YWHAQ: variants seen among roughly 807,000 people sequenced by gnomAD.
YWHAQ encodes 14-3-3 protein theta.
In YWHAQ, 6 loss-of-function variants were observed where a neutral mutation model predicts 28.3. The observed-to-expected ratio is 0.21, with a 90% confidence interval of 0.12 to 0.42. The LOEUF is 0.42. YWHAQ is among the 10% of genes least tolerant of loss of function. The probability of loss-of-function intolerance (pLI) is 1.00; values close to 1 mark genes in which losing one functional copy is unlikely to be tolerated. For synonymous variants in YWHAQ, 143 were observed against 119.1 expected, an observed-to-expected ratio of 1.20 and a Z score of -1.31; for missense variants, 201 against 305.6, an observed-to-expected ratio of 0.66 and a Z score of 2.55.
intron 2 of YWHAQ, among the ~76,000 whole-genome samples, chr2:9,625,233 G>A (rs967036937): frequency 6.7e-6 from 1 of 149,072 alleles, no homozygotes; most frequent in Non-Finnish European, 1.5e-5. Flanking sequence ...CTGTACCCCA[G>A]CCTGGGTGGC....
At chr2:9,627,550 A>G (rs551887437) in intron 2 of YWHAQ, among the ~76,000 whole-genome samples, 17 of 152,296 alleles carry the variant, frequency 1.1e-4, no homozygotes, top group Admixed American at 3.3e-4. Context: ...ATGCTGCTAC[A>G]TGTACAGTGG....
chr2:9,594,469 C>T (rs893545175), intron 2 of YWHAQ, among the ~76,000 whole-genome samples: 3 of 152,082 alleles, frequency 2.0e-5, no homozygotes, highest in South Asian at 2.1e-4. Context: ...CAAACTGACT[C>T]AGTCATTGGT....
rs763024118 is a variant in YWHAQ, at chr2:9,630,491, G to A, written c.-39C>T. The A allele has an allele frequency of 6.1e-6, 9 of 1,470,962 alleles. No homozygotes were observed. Among genetic ancestry groups the A allele is most frequent in the Non-Finnish European group, 8.2e-6 (9 of 1,093,774 alleles). 91.1% of individuals were successfully genotyped at this position (1,470,962 alleles called of 1,614,324 possible). On this transcript the variant is annotated 5_prime_UTR_variant, in exon 2 of 6. Transcript: ENST00000238081. The surrounding 1 kb of genome is among the most constrained non-coding windows in gnomAD (Gnocchi z 5.6). Reference sequence around the variant, plus strand: ...CCGGGGCCGGGGCGGAGGGCGAGGAGAGCGAGGGCGAGCGCCGACCCGCAG... The same window carrying A: ...CCGGGGCCGGGGCGGAGGGCGAGGAAAGCGAGGGCGAGCGCCGACCCGCAG...
chr2:9,591,534 A>G lies in YWHAQ; in HGVS notation c.295-19T>C, dbSNP rs1666455827. 6.3e-7 allele frequency: 1 copy of G among 1,593,980 alleles called. No homozygotes were observed. Among genetic ancestry groups the G allele is most frequent in the African/African-American group, 1.3e-5 (1 of 74,570 alleles). ...ACAATTCCTGAAATAAATAAGACAG[A>G]ACATTAGGCACTAAACTTCTGCCTA... On this transcript the variant is annotated intron_variant, in intron 2 of 5. Coordinates refer to ENST00000238081, the MANE Select transcript of YWHAQ (RefSeq NM_006826.4).
intron 2 of YWHAQ, among the ~76,000 whole-genome samples, chr2:9,618,966 T>C (rs1478300987): frequency 6.6e-6 from 1 of 152,170 alleles, no homozygotes; most frequent in Non-Finnish European, 1.5e-5. Context: ...TAAACTCTAA[T>C]TACAAATTCT....
chr2:9,615,998 T>C (rs1320721684), intron 2 of YWHAQ, among the ~76,000 whole-genome samples: 4 of 152,142 alleles, frequency 2.6e-5, no homozygotes, highest in East Asian at 1.9e-4. Flanking sequence ...TTTGTAACTA[T>C]AGAACGTAAT....
At chr2:9,605,726 A>G (rs1666812982) in intron 2 of YWHAQ, among the ~76,000 whole-genome samples, 1 of 144,908 alleles carries the variant, frequency 6.9e-6, no homozygotes, top group African/African-American at 2.5e-5. Context: ...ATGACCGGCT[A>G]ATTTTTTTTT....
chr2:9,609,152 C>G (rs1312411442), intron 2 of YWHAQ, among the ~76,000 whole-genome samples: 1 of 152,128 alleles, frequency 6.6e-6, no homozygotes. Context: ...TTTTCTTCAC[C>G]TCTACCTAAG....
At position 9,630,460 on chromosome 2, in the gene YWHAQ, G is replaced by GCGGGGC. The variant is rs200302461; in HGVS notation, c.-14_-9dup. 396,343 of 1,575,332 alleles carry GCGGGGC rather than the reference G, an allele frequency of 0.25. 55,291 individuals are homozygous for GCGGGGC. Among genetic ancestry groups the GCGGGGC allele is most frequent in the Middle Eastern group, 0.29 (1,715 of 5,944 alleles). ...CAGCTCAGTCTTCTCCATGGCGGGC[G>GCGGGGC]CGGGGCCGGGGCCGGGGCGGAGGGC... On this transcript the variant is annotated 5_prime_UTR_variant, in exon 2 of 6. Transcript: ENST00000238081. The surrounding 1 kb of genome is among the most constrained non-coding windows in gnomAD (Gnocchi z 5.6).
chr2:9,616,572 A>T (rs138405109), intron 2 of YWHAQ, among the ~76,000 whole-genome samples: 2 of 147,350 alleles, frequency 1.4e-5, no homozygotes, highest in Non-Finnish European at 3.1e-5. Context: ...TATCCATAAT[A>T]TATTTAAAAA....
chr2:9,600,776 C>T (rs1370295183), intron 2 of YWHAQ, among the ~76,000 whole-genome samples: 1 of 152,138 alleles, frequency 6.6e-6, no homozygotes, highest in Non-Finnish European at 1.5e-5. Flanking sequence ...GCAAACTTCA[C>T]TGTTGTCTTA....
chr2:9,586,435 A>G (rs74792320), intron 5 of YWHAQ, among the ~76,000 whole-genome samples: 2,206 of 152,314 alleles, frequency 0.014, 53 homozygotes, highest in African/African-American at 0.051. Context: ...CAAACAAAAC[A>G]AAATCCCCCA....
intron 2 of YWHAQ, among the ~76,000 whole-genome samples, chr2:9,600,120 T>A (rs1666659216): frequency 6.6e-6 from 1 of 152,180 alleles, no homozygotes; most frequent in African/African-American, 2.4e-5. Context: ...GGAAGAGAAA[T>A]ACTAGAATTA....
intron 2 of YWHAQ, among the ~76,000 whole-genome samples, chr2:9,600,013 AAC>A (rs1412037116): frequency 6.6e-6 from 1 of 152,182 alleles, no homozygotes; most frequent in African/African-American, 2.4e-5. Context: ...TAACATTAAC[AAC>A]AGTTTGGAAG....
intron 2 of YWHAQ, among the ~76,000 whole-genome samples, chr2:9,602,453 T>C (rs1666712647): frequency 6.6e-6 from 1 of 151,882 alleles, no homozygotes; most frequent in African/African-American, 2.4e-5. Flanking sequence ...TTAATAACAT[T>C]TTATGCCTCC....
chr2:9,593,898 T>TAAA (rs151047530), intron 2 of YWHAQ, among the ~76,000 whole-genome samples: 4,543 of 121,146 alleles, frequency 0.038, 116 homozygotes, highest in African/African-American at 0.076. Context: ...TTAAATAGAT[T>TAAA]AAAAAAAATA....
chr2:9,622,042 C>T (rs916951148), intron 2 of YWHAQ, among the ~76,000 whole-genome samples: 2 of 151,948 alleles, frequency 1.3e-5, no homozygotes, highest in Non-Finnish European at 1.5e-5. Flanking sequence ...GTCAGGGCGT[C>T]GGGGGCTAGG....
At chr2:9,595,578 C>T (rs1230241210) in intron 2 of YWHAQ, among the ~76,000 whole-genome samples, 20 of 152,006 alleles carry the variant, frequency 1.3e-4, no homozygotes, top group Non-Finnish European at 7.4e-5. Flanking sequence ...GTGACACATG[C>T]CTGTAATCCC....
At chr2:9,620,461 G>A (rs1169176241) in intron 2 of YWHAQ, among the ~76,000 whole-genome samples, 1 of 152,154 alleles carries the variant, frequency 6.6e-6, no homozygotes, top group African/African-American at 2.4e-5. Context: ...CTGACTTACT[G>A]CCTCCAAAAG....
Sources: allele counts gnomAD v4.1 joint callset (sites outside exome capture counted in the v4.1 genomes callset), GRCh38; gene constraint gnomAD v4.1.1; non-coding constraint Gnocchi (gnomAD v3.1); transcripts MANE v1.5; gene names NCBI Gene and HGNC (gene_info 2026-07-23, HGNC 2026-07-21).